The following GABRB1 variants were observed in gnomAD, a reference collection of about 807,000 sequenced individuals.
GABRB1 encodes gamma-aminobutyric acid type A receptor subunit beta1.
In GABRB1, 17 loss-of-function variants were observed where a neutral mutation model predicts 51.6. The ratio of observed to expected loss-of-function variants is 0.33; its 90% confidence interval spans 0.23 to 0.49. The LOEUF (loss-of-function observed/expected upper bound fraction) is 0.49, where lower values mean the gene tolerates loss of function less well. GABRB1 is among the 20% of genes least tolerant of loss of function. GABRB1 has a pLI of 0.99. For missense variants in GABRB1, 410 were observed against 600.6 expected (o/e 0.68, Z 3.32); for synonymous variants, 247 against 218.9 (o/e 1.13, Z -1.14).
At chr4:47,246,039 A>G (rs1721724204) in intron 4 of GABRB1, among the ~76,000 whole-genome samples, 1 of 148,030 alleles carries the variant, frequency 6.8e-6, no homozygotes, top group Non-Finnish European at 1.5e-5. Flanking sequence ...ACTGCACCAT[A>G]TTTGTAGTCT....
chr4:47,404,231 A>C (rs1358154899), intron 7 of GABRB1, among the ~76,000 whole-genome samples: 2 of 152,166 alleles, frequency 1.3e-5, no homozygotes, highest in East Asian at 3.8e-4. Flanking sequence ...ACAATTCATC[A>C]GCTATATTAA....
At chr4:47,166,868 C>G (rs1317883745) in intron 4 of GABRB1, among the ~76,000 whole-genome samples, 1 of 152,114 alleles carries the variant, frequency 6.6e-6, no homozygotes, top group African/African-American at 2.4e-5. Context: ...CAAAGTCTCC[C>G]TCAAATTCCA....
At chr4:47,216,302 T>C (rs1205500025) in intron 4 of GABRB1, among the ~76,000 whole-genome samples, 1 of 151,944 alleles carries the variant, frequency 6.6e-6, no homozygotes, top group African/African-American at 2.4e-5. Flanking sequence ...GGGTATCCTT[T>C]ACCCTGTGTC....
chr4:47,333,783 T>TA (rs1316695030), intron 5 of GABRB1, among the ~76,000 whole-genome samples: 3 of 152,110 alleles, frequency 2.0e-5, no homozygotes, highest in Admixed American at 6.6e-5. Context: ...CTTTCAAACA[T>TA]AAAAAATTAT....
chr4:47,031,510 T>C (rs534615308), upstream of GABRB1: 44 of 675,034 alleles, frequency 6.5e-5, 1 homozygote, highest in African/African-American at 4.9e-4. Context: ...AGGAATATTG[T>C]TTGCAAGGCA....
chr4:47,371,085 T>TCCCCCCCCCCCCCCC (rs59604624), intron 5 of GABRB1, among the ~76,000 whole-genome samples: 7 of 129,724 alleles, frequency 5.4e-5, no homozygotes, highest in Admixed American at 8.0e-5. Flanking sequence ...ATGCTCTCCC[T>TCCCCCCCCCCCCCCC]CCCCCACCCC....
At chr4:47,146,466 C>G (rs186684689) in intron 3 of GABRB1, among the ~76,000 whole-genome samples, 1 of 152,076 alleles carries the variant, frequency 6.6e-6, no homozygotes, top group Admixed American at 6.6e-5. Flanking sequence ...TAAATGGAGA[C>G]AGGAACAGAT....
chr4:47,283,268 T>G (rs1269166781), intron 4 of GABRB1, among the ~76,000 whole-genome samples: 1 of 151,324 alleles, frequency 6.6e-6, no homozygotes, highest in Non-Finnish European at 1.5e-5. Context: ...GACACTAAGT[T>G]TGGGTATAAA....
intron 4 of GABRB1, among the ~76,000 whole-genome samples, chr4:47,246,368 ATATATATATATATATATATATATATAT>A (rs2109856727): frequency 4.3e-5 from 2 of 46,868 alleles, no homozygotes; most frequent in East Asian, 1.0e-3. Flanking sequence ...ATATATATAT[ATATATATATATATATATATATATATAT>A]AAAATACCAC....
chr4:47,323,936 A>G (rs549654051), intron 5 of GABRB1, among the ~76,000 whole-genome samples: 1 of 152,316 alleles, frequency 6.6e-6, no homozygotes, highest in East Asian at 1.9e-4. Context: ...CAATCAAGGA[A>G]TTTAGTCTAA....
upstream of GABRB1, among the ~76,000 whole-genome samples, chr4:47,027,598 A>T (rs1228043248): frequency 2.0e-5 from 3 of 151,638 alleles, no homozygotes; most frequent in Admixed American, 2.0e-4. Flanking sequence ...TTGATATGCA[A>T]AAAGTGAAGT....
At chr4:47,371,085 T>TCCCCCCCCCCC (rs59604624) in intron 5 of GABRB1, among the ~76,000 whole-genome samples, 27 of 129,622 alleles carry the variant, frequency 2.1e-4, no homozygotes, top group Admixed American at 4.0e-4. Flanking sequence ...ATGCTCTCCC[T>TCCCCCCCCCCC]CCCCCACCCC....
intron 4 of GABRB1, among the ~76,000 whole-genome samples, chr4:47,254,693 C>G (rs571629395): frequency 6.6e-6 from 1 of 152,210 alleles, no homozygotes; most frequent in South Asian, 2.1e-4. Context: ...TGTTTCAACT[C>G]CCATAAAATA....
At chr4:47,187,892 C>T (rs1719253873) in intron 4 of GABRB1, among the ~76,000 whole-genome samples, 1 of 151,948 alleles carries the variant, frequency 6.6e-6, no homozygotes, top group Admixed American at 6.6e-5. Flanking sequence ...CCGGAAGGCT[C>T]TTTCTCCAGA....
chr4:47,164,629 C>G (rs1718093737), intron 4 of GABRB1, among the ~76,000 whole-genome samples: 1 of 152,034 alleles, frequency 6.6e-6, no homozygotes, highest in African/African-American at 2.4e-5. Flanking sequence ...ATAATCGTAA[C>G]AGCATGTCAT....
chr4:47,343,232 A>G (rs983890979), intron 5 of GABRB1, among the ~76,000 whole-genome samples: 1 of 152,128 alleles, frequency 6.6e-6, no homozygotes, highest in South Asian at 2.1e-4. Flanking sequence ...TTTGGAGGAA[A>G]TGGGACTTGA....
chr4:47,273,092 A>G (rs1368042150), intron 4 of GABRB1, among the ~76,000 whole-genome samples: 4 of 152,142 alleles, frequency 2.6e-5, no homozygotes, highest in Non-Finnish European at 5.9e-5. Context: ...AAGCCAAAAG[A>G]CAAAAAATCC....
intron 3 of GABRB1, among the ~76,000 whole-genome samples, chr4:47,103,171 G>A (rs563943517): frequency 1.3e-5 from 2 of 151,930 alleles, no homozygotes; most frequent in African/African-American, 2.4e-5. Context: ...AAGACATTGA[G>A]TTTAAAGCAA....
intron 4 of GABRB1, among the ~76,000 whole-genome samples, chr4:47,271,510 G>C (rs2109893598): frequency 6.6e-6 from 1 of 152,224 alleles, no homozygotes; most frequent in African/African-American, 2.4e-5. Flanking sequence ...CCAATATGGG[G>C]CATCTCTTTC....
Sources: allele counts gnomAD v4.1 joint callset (sites outside exome capture counted in the v4.1 genomes callset), GRCh38; gene constraint gnomAD v4.1.1; transcripts MANE v1.5; gene names NCBI Gene and HGNC (gene_info 2026-07-23, HGNC 2026-07-21).